The following PRDX4 variants were observed in gnomAD, a reference collection of about 807,000 sequenced individuals.
PRDX4 encodes the protein peroxiredoxin 4, also known as peroxiredoxin-4.
In PRDX4, 12 loss-of-function variants were observed where a neutral mutation model predicts 20.5. The observed-to-expected ratio is 0.58, with a 90% CI of 0.37 to 0.95. PRDX4 has a LOEUF of 0.95. Among genes scored for constraint, PRDX4 ranks in the 40% least tolerant of loss-of-function variants. PRDX4 has a pLI of 0.01. For missense variants in PRDX4, 180 were observed against 207.3 expected (o/e 0.87, Z 0.81); for synonymous variants, 99 against 87.5 (o/e 1.13, Z -0.73).
At chrX:23,669,495 A>G (rs1014609052) in intron 1 of PRDX4, among the ~76,000 whole-genome samples, 1 of 112,051 alleles carries the variant, frequency 8.9e-6, no homozygotes, top group South Asian at 3.6e-4. Flanking sequence ...AAAGACTATT[A>G]TGGAGCCATT....
intron 2 of PRDX4, 89 bp from the exon 3 acceptor site, chrX:23,674,901 T>C (rs1161518316): frequency 4.6e-6 from 5 of 1,083,830 alleles, no homozygotes; most frequent in South Asian, 2.3e-5. Flanking sequence ...ATTTTTATTA[T>C]TAAAGGTATT....
rs55855915 is a variant in PRDX4, at chrX:23,673,311, G to A, written c.359+1665G>A. 1.5e-3 allele frequency among the ~76,000 whole-genome samples: 172 copies of A among 112,533 alleles called. 1 individual carries two copies. The highest frequency in any genetic ancestry group is 0.014 in the South Asian group (37 of 2,728). On this transcript the variant is annotated intron_variant, in intron 2 of 6. Transcript: ENST00000379341. ...TTCATGTAATGCTGGACTGTGCCTG[G>A]TTAGAGAAGGAAGAATTCTGGGGCA...
intron 1 of PRDX4, among the ~76,000 whole-genome samples, chrX:23,669,352 T>C (rs1225133324): frequency 1.8e-5 from 2 of 112,396 alleles, no homozygotes; most frequent in Non-Finnish European, 3.8e-5. Context: ...ACATTACATA[T>C]ATTTTCCATA....
chrX:23,673,048 C>T (rs1472139207), intron 2 of PRDX4, among the ~76,000 whole-genome samples: 1 of 111,816 alleles, frequency 8.9e-6, no homozygotes, highest in Non-Finnish European at 1.9e-5. Flanking sequence ...TTTCAGTAGA[C>T]ATAAAAAATG....
chrX:23,667,708 T>G lies in PRDX4; in HGVS notation c.138T>G (p.Thr46=), dbSNP rs754707782. The part of the protein sequence containing the change: ...QGWETEERPR[T]REEECHFYAG... ...GGGAGACAGAGGAGAGGCCCCGGAC[T>G]CGCGAAGAGGAGTGCCACTTCTACG... Residue 46 remains threonine (T), a synonymous_variant, in exon 1 of 7, where the codon ACT becomes ACG. Coordinates refer to ENST00000379341, the MANE Select transcript of PRDX4 (RefSeq NM_006406.2). The G allele has an allele frequency of 5.0e-6, 6 of 1,211,421 alleles. No homozygotes were observed. The highest frequency in any genetic ancestry group is 3.5e-5 in the South Asian group (2 of 56,974).
chrX:23,681,125 G>A (rs1033315004), intron 4 of PRDX4, among the ~76,000 whole-genome samples: 2 of 110,939 alleles, frequency 1.8e-5, no homozygotes, highest in East Asian at 2.8e-4. Context: ...CCAGCTACTC[G>A]GGAAGCTGAG....
intron 3 of PRDX4, among the ~76,000 whole-genome samples, chrX:23,677,453 C>T (rs1927970711): frequency 9.0e-6 from 1 of 111,546 alleles, no homozygotes; most frequent in Non-Finnish European, 1.9e-5. Context: ...GGATGTTCAA[C>T]CAGTAAGTAT....
intron 3 of PRDX4, among the ~76,000 whole-genome samples, chrX:23,678,275 AAAAG>A (rs201874694): frequency 0.017 from 1,560 of 93,120 alleles, 23 homozygotes; most frequent in Admixed American, 0.065. Flanking sequence ...TCAAAAAAAA[AAAAG>A]AAAGAAAGAA....
chrX:23,685,823 T>G (rs1198428111), intron 6 of PRDX4, among the ~76,000 whole-genome samples: 4 of 106,754 alleles, frequency 3.7e-5, no homozygotes, highest in Non-Finnish European at 5.8e-5. Flanking sequence ...TTTTTTTTGT[T>G]TTTTTTTTTT....
intron 5 of PRDX4, among the ~76,000 whole-genome samples, chrX:23,682,825 C>CAAAAAAAAAAAAAAAAA (rs568865999): frequency 1.0e-4 from 1 of 9,584 alleles, no homozygotes; most frequent in African/African-American, 4.8e-4. Flanking sequence ...TACTAAAAAT[C>CAAAAAAAAAAAAAAAAA]AAAAAAAAAA....
intron 4 of PRDX4, among the ~76,000 whole-genome samples, chrX:23,680,475 T>C (rs187507137): frequency 2.6e-4 from 29 of 112,497 alleles, no homozygotes; most frequent in African/African-American, 8.0e-4. Context: ...ATTGATTTGC[T>C]TTGTAGTGCC....
At position 23,683,657 on chromosome X, in the gene PRDX4, T is replaced by C; in HGVS notation, c.731-14T>C. 1 of 1,205,475 alleles carries C rather than the reference T, an allele frequency of 8.3e-7. No individual in the cohort carries two copies. On this transcript the variant is annotated splice_polypyrimidine_tract_variant and intron_variant, in intron 5 of 6. Transcript: ENST00000379341. The stretch of plus-strand genomic sequence containing the variant: ...GTTTTTAAAATGTCTTCTGCCTCTT[T>C]TTGTTTCTTTTAGTCTGCCCTGCTG...
At chrX:23,680,968 G>A (rs914340291) in intron 4 of PRDX4, among the ~76,000 whole-genome samples, 3 of 111,590 alleles carry the variant, frequency 2.7e-5, no homozygotes, top group Non-Finnish European at 3.8e-5. Context: ...AGTGGCTCAC[G>A]CCTGTAATCC....
intron 5 of PRDX4, among the ~76,000 whole-genome samples, chrX:23,682,825 CAAAAAAAAAAA>C (rs568865999): frequency 2.1e-4 from 2 of 9,582 alleles, no homozygotes; most frequent in South Asian, 0.043. Context: ...TACTAAAAAT[CAAAAAAAAAAA>C]AAAAAAAAAA....
intron 1 of PRDX4, 67 bp from the exon 2 acceptor site, chrX:23,671,462 A>C: frequency 2.3e-6 from 2 of 854,357 alleles, no homozygotes; most frequent in South Asian, 2.3e-5. Flanking sequence ...GATTTTCTAA[A>C]GATGTCCTTC....
In PRDX4 at chrX:23,671,515, TTTTA is replaced by T. The variant is rs769750237; in HGVS notation, c.242-10_242-7del. The T allele has an allele frequency of 9.6e-6, 11 of 1,150,951 alleles. No homozygotes were observed. Among genetic ancestry groups the T allele is most frequent in the South Asian group, 7.5e-5 (4 of 53,643 alleles). The allele number at this position is 1,150,951 out of a possible 1,213,427, so 94.9% of individuals were successfully genotyped here. A position where few individuals can be genotyped will look rare whatever the true frequency, so the allele number is the denominator to read the frequency against. On this transcript the variant is annotated splice_polypyrimidine_tract_variant and intron_variant, in intron 1 of 6. Transcript: ENST00000379341. Reference sequence around the variant, plus strand: ...TCTCAGTGTTACAGAACATCATGTATTTTATTTTCTTAGTTTCCAAGCCAGCGCC... The same window carrying T: ...TCTCAGTGTTACAGAACATCATGTATTTTTCTTAGTTTCCAAGCCAGCGCC...
At position 23,671,527 on chromosome X, in the gene PRDX4, A is replaced by T; in HGVS notation, c.242-2A>T. On this transcript the variant is annotated splice_acceptor_variant, in intron 1 of 6. Transcript: ENST00000379341. LOFTEE classifies it high-confidence loss of function. ...AGAACATCATGTATTTTATTTTCTT[A>T]GTTTCCAAGCCAGCGCCCTACTGGG... 4 of 1,190,499 alleles carry T rather than the reference A, an allele frequency of 3.4e-6. No homozygotes were observed. Among genetic ancestry groups the T allele is most frequent in the Non-Finnish European group, 4.5e-6 (4 of 881,270 alleles).
At chrX:23,683,547 T>G in intron 5 of PRDX4, 124 bp from the exon 6 acceptor site, 2 of 606,689 alleles carry the variant, frequency 3.3e-6, no homozygotes, top group African/African-American at 2.3e-5. Flanking sequence ...ATGTGCTCGG[T>G]GGTCTGGAAA....
rs1479865796 is a variant in PRDX4, at chrX:23,667,646, C to T, written c.76C>T (p.Leu26=). 3.3e-6 allele frequency: 4 copies of T among 1,204,548 alleles called. No homozygotes were observed. In the African/African-American group the frequency reaches 7.0e-5, roughly 21 times the overall value. Residue 26 remains leucine (L), a synonymous_variant, in exon 1 of 7, where the codon CTG becomes TTG. Transcript: ENST00000379341. ...RHRRLLLLPL[L]LFLLPAGAVQ... Reference sequence around the variant, plus strand: ...CCGAAGGCTGCTTCTGCTGCCGCTACTGCTGTTCCTGCTGCCGGCTGGAGC... The same window carrying T: ...CCGAAGGCTGCTTCTGCTGCCGCTATTGCTGTTCCTGCTGCCGGCTGGAGC...
Sources: gnomAD v4.1 joint callset for allele counts (sites outside exome capture counted in the v4.1 genomes callset) on GRCh38, gnomAD v4.1.1 for gene constraint, MANE v1.5 for transcripts, NCBI Gene and HGNC (gene_info 2026-07-23, HGNC 2026-07-21) for gene names.